Variants in SV2C observed in about 807,000 individuals in gnomAD.
SV2C encodes solute carrier family 22 member B3.
In SV2C, 49 loss-of-function variants were observed where a neutral mutation model predicts 79.7. That is an observed-to-expected ratio of 0.61 (90% CI 0.49 to 0.78). The LOEUF is 0.78. Ranked by LOEUF, SV2C falls within the 30% of genes least tolerant of loss-of-function variation. SV2C has a pLI of 0.00. For missense variants in SV2C, 833 were observed against 912.9 expected, an observed-to-expected ratio of 0.91 and a Z score of 1.13; for synonymous variants, 334 against 333.2, an observed-to-expected ratio of 1.00 and a Z score of -0.03.
At chr5:75,921,332 A>C in the SV2C span, 1 of 1,144,256 alleles carries the variant, frequency 8.7e-7, no homozygotes, top group Non-Finnish European at 1.3e-6. Context: ...GGTGGAGCTC[A>C]CATCCACATG....
intron 4 of SV2C, among the ~76,000 whole-genome samples, chr5:76,249,595 G>A (rs1260794449): frequency 6.6e-6 from 1 of 152,130 alleles, no homozygotes; most frequent in Admixed American, 6.5e-5. Flanking sequence ...TATTTGGTTA[G>A]TAAGATGACT....
chr5:75,916,762 A>G, the SV2C span, among the ~76,000 whole-genome samples: 1 of 152,130 alleles, frequency 6.6e-6, no homozygotes, highest in Admixed American at 6.5e-5. Flanking sequence ...GACATGAGCT[A>G]CCATGCCCAG....
chr5:76,342,886 CT>C (rs35379719), intron 12 of SV2C, among the ~76,000 whole-genome samples: 65,990 of 138,650 alleles, frequency 0.48, 16,336 homozygotes, highest in East Asian at 0.81. Context: ...CTCTCTCTCT[CT>C]TTTTTTTTTT....
At chr5:76,059,239 T>C in the SV2C span, among the ~76,000 whole-genome samples, 1 of 152,174 alleles carries the variant, frequency 6.6e-6, no homozygotes, top group East Asian at 1.9e-4. Context: ...GCTGTGACAA[T>C]TTCTTAAAAT....
At chr5:76,299,424 A>G (rs2112520941) in intron 10 of SV2C, among the ~76,000 whole-genome samples, 1 of 152,378 alleles carries the variant, frequency 6.6e-6, no homozygotes, top group African/African-American at 2.4e-5. Context: ...ACTCTAGGTC[A>G]TTAGACATTC....
At chr5:75,891,947 G>T in the SV2C span, among the ~76,000 whole-genome samples, 2 of 151,976 alleles carry the variant, frequency 1.3e-5, no homozygotes, top group Non-Finnish European at 2.9e-5. Flanking sequence ...AAACAGCTTA[G>T]GGCCAGATAA....
the SV2C span, among the ~76,000 whole-genome samples, chr5:76,012,056 G>A: frequency 3.3e-5 from 5 of 152,026 alleles, no homozygotes; most frequent in Admixed American, 1.3e-4. Flanking sequence ...TGTGAACAGT[G>A]CCCAATAAAT....
At chr5:76,031,520 G>T in the SV2C span, among the ~76,000 whole-genome samples, 1 of 152,226 alleles carries the variant, frequency 6.6e-6, no homozygotes, top group Non-Finnish European at 1.5e-5. Context: ...CAGTTGGGCA[G>T]CATCATCAAG....
the SV2C span, among the ~76,000 whole-genome samples, chr5:75,932,213 C>T: frequency 1.3e-5 from 2 of 152,294 alleles, no homozygotes; most frequent in East Asian, 1.9e-4. Context: ...GGGAGCCCTA[C>T]ATCCAGGGTC....
At chr5:76,177,637 T>C in intron 2 of SV2C, among the ~76,000 whole-genome samples, 1 of 152,242 alleles carries the variant, frequency 6.6e-6, no homozygotes, top group East Asian at 1.9e-4. Flanking sequence ...AACTACTGTA[T>C]GCTATTCCAG....
At chr5:76,246,143 A>T (rs1745941313) in intron 4 of SV2C, among the ~76,000 whole-genome samples, 1 of 152,056 alleles carries the variant, frequency 6.6e-6, no homozygotes, top group Admixed American at 6.6e-5. Context: ...AGTTAGGGGA[A>T]TCACCATGTG....
At chr5:76,141,551 C>T (rs909158113) in intron 2 of SV2C, among the ~76,000 whole-genome samples, 8 of 152,128 alleles carry the variant, frequency 5.3e-5, no homozygotes, top group East Asian at 3.9e-4. Context: ...AAGCCAGGCG[C>T]GGTGGCTCAC....
the SV2C span, among the ~76,000 whole-genome samples, chr5:75,935,820 A>G: frequency 6.6e-6 from 1 of 152,216 alleles, no homozygotes; most frequent in African/African-American, 2.4e-5. Context: ...AGGAAGTAAA[A>G]GGATTCATAG....
Position 76,319,795 on chromosome 5 carries a change from G to A in SV2C, c.2001-5569G>A, listed in dbSNP as rs537641473. On this transcript the variant is annotated intron_variant, in intron 12 of 12. Transcript: ENST00000502798. ...TTCTGAGTTATACCAGAGGTTCGTC[G>A]TTTGGGAAAATACGGTTATTTTAAC... is the stretch of plus-strand genomic sequence containing the variant. Among the ~76,000 whole-genome samples the A allele has an allele frequency of 2.6e-5, 4 of 152,266 alleles. No individual in the cohort carries two copies. In the South Asian group the frequency reaches 6.2e-4, roughly 24 times the overall value.
At chr5:76,218,123 C>T (rs1196427137) in intron 4 of SV2C, among the ~76,000 whole-genome samples, 1 of 152,186 alleles carries the variant, frequency 6.6e-6, no homozygotes, top group African/African-American at 2.4e-5. Flanking sequence ...ACTTCCAAGC[C>T]ACCTCTGCCC....
chr5:75,879,121 A>T, the SV2C span, among the ~76,000 whole-genome samples: 4 of 152,154 alleles, frequency 2.6e-5, no homozygotes, highest in Admixed American at 2.6e-4. Context: ...AATGATTCAA[A>T]CACCTCCCAC....
chr5:76,175,273 G>A (rs891198819), intron 2 of SV2C, among the ~76,000 whole-genome samples: 3 of 152,266 alleles, frequency 2.0e-5, no homozygotes, highest in South Asian at 2.1e-4. Flanking sequence ...GTTTGCCAAC[G>A]ACAGGTAGGA....
At chr5:76,149,824 G>T (rs1749547501) in intron 2 of SV2C, among the ~76,000 whole-genome samples, 1 of 152,220 alleles carries the variant, frequency 6.6e-6, no homozygotes, top group Admixed American at 6.5e-5. Context: ...TCAAATCCCA[G>T]AATGGACTCC....
At chr5:76,228,042 T>TTC (rs1316181713) in intron 4 of SV2C, among the ~76,000 whole-genome samples, 18 of 151,626 alleles carry the variant, frequency 1.2e-4, no homozygotes, top group African/African-American at 3.9e-4. Context: ...CTGGGGTTCT[T>TTC]TCTCTCTATC....
Sources: allele counts gnomAD v4.1 joint callset (sites outside exome capture counted in the v4.1 genomes callset), GRCh38; gene constraint gnomAD v4.1.1; transcripts MANE v1.5; gene names NCBI Gene and HGNC (gene_info 2026-07-23, HGNC 2026-07-21).